The following SPMIP2 variants were observed in gnomAD, a reference collection of about 807,000 sequenced individuals.
The protein encoded by SPMIP2 is protein SPMIP2.
chr4:159,017,350 A>AACACAC, the SPMIP2 span, among the ~76,000 whole-genome samples: 1 of 51,376 alleles, frequency 1.9e-5, no homozygotes, highest in Admixed American at 2.5e-4. Context: ...CACAAACACA[A>AACACAC]ACACATACAC....
chr4:159,060,523 C>T, the SPMIP2 span, among the ~76,000 whole-genome samples: 6 of 152,094 alleles, frequency 3.9e-5, no homozygotes, highest in South Asian at 2.1e-4. Flanking sequence ...GTGTTAGTAA[C>T]GATGGTGGCC....
At chr4:158,913,659 A>G in the SPMIP2 span, among the ~76,000 whole-genome samples, 5 of 152,184 alleles carry the variant, frequency 3.3e-5, no homozygotes, top group African/African-American at 9.6e-5. Context: ...TGAAATATTT[A>G]GGAGTAAAGG....
the SPMIP2 span, among the ~76,000 whole-genome samples, chr4:158,984,326 T>C: frequency 1.4e-5 from 2 of 143,264 alleles, no homozygotes; most frequent in African/African-American, 2.6e-5. Context: ...CCACAGAATA[T>C]ACATTTTTTT....
At chr4:159,021,779 A>ATTGTT in the SPMIP2 span, among the ~76,000 whole-genome samples, 14 of 152,162 alleles carry the variant, frequency 9.2e-5, no homozygotes, top group Non-Finnish European at 2.1e-4. Flanking sequence ...TCTGGAATGG[A>ATTGTT]TTGTTTTGTA....
At chr4:158,917,472 C>T in the SPMIP2 span, among the ~76,000 whole-genome samples, 57 of 152,028 alleles carry the variant, frequency 3.7e-4, no homozygotes, top group African/African-American at 1.3e-3. Flanking sequence ...CTCCTCAGCC[C>T]GTCTCTACTT....
chr4:159,008,026 T>C, the SPMIP2 span, among the ~76,000 whole-genome samples: 1 of 152,148 alleles, frequency 6.6e-6, no homozygotes, highest in African/African-American at 2.4e-5. Flanking sequence ...TTCTTGAGCC[T>C]AGGAGCTCAA....
At chr4:159,034,763 T>C in the SPMIP2 span, among the ~76,000 whole-genome samples, 263 of 152,202 alleles carry the variant, frequency 1.7e-3, 2 homozygotes, top group African/African-American at 6.1e-3. Flanking sequence ...TGATGGCAGA[T>C]GCCTGTAATC....
chr4:159,020,739 T>C, the SPMIP2 span, among the ~76,000 whole-genome samples: 2 of 152,226 alleles, frequency 1.3e-5, no homozygotes, highest in Admixed American at 1.3e-4. Flanking sequence ...TAAGGCACTC[T>C]GACGTTCTTT....
At chr4:159,000,645 C>T in the SPMIP2 span, among the ~76,000 whole-genome samples, 19 of 152,106 alleles carry the variant, frequency 1.2e-4, no homozygotes, top group African/African-American at 4.6e-4. Context: ...AGGCACACGC[C>T]ACCACGCCCG....
the SPMIP2 span, among the ~76,000 whole-genome samples, chr4:158,981,307 C>T: frequency 4.2e-3 from 636 of 152,240 alleles, 6 homozygotes; most frequent in African/African-American, 0.014. Flanking sequence ...AACGAACTTC[C>T]CCAAACTAGC....
chr4:159,039,533 A>G, the SPMIP2 span, among the ~76,000 whole-genome samples: 5 of 152,256 alleles, frequency 3.3e-5, no homozygotes, highest in East Asian at 9.6e-4. Context: ...ACGGGGGCCA[A>G]TGAATAAATT....
the SPMIP2 span, among the ~76,000 whole-genome samples, chr4:158,961,164 G>A: frequency 3.3e-5 from 5 of 152,006 alleles, no homozygotes; most frequent in Admixed American, 2.0e-4. Flanking sequence ...TATGGGATGC[G>A]CTATTCATAA....
At chr4:159,067,326 T>C in the SPMIP2 span, among the ~76,000 whole-genome samples, 1 of 152,126 alleles carries the variant, frequency 6.6e-6, no homozygotes. Flanking sequence ...TGGAGTGCAA[T>C]GTCCGCCTCC....
At chr4:158,970,337 T>G in the SPMIP2 span, among the ~76,000 whole-genome samples, 4 of 152,096 alleles carry the variant, frequency 2.6e-5, no homozygotes, top group African/African-American at 9.7e-5. Context: ...GCTCAGGAGT[T>G]TGAGACCAGC....
the SPMIP2 span, among the ~76,000 whole-genome samples, chr4:158,956,941 T>C: frequency 6.6e-6 from 1 of 152,168 alleles, no homozygotes; most frequent in African/African-American, 2.4e-5. Context: ...ATTTATTTAT[T>C]TTTTTCTTGA....
the SPMIP2 span, among the ~76,000 whole-genome samples, chr4:158,962,125 A>C: frequency 6.6e-6 from 1 of 152,202 alleles, no homozygotes; most frequent in Non-Finnish European, 1.5e-5. Flanking sequence ...CTACATTCAC[A>C]TATCGTGAGT....
At chr4:159,076,813 A>G in the SPMIP2 span, among the ~76,000 whole-genome samples, 1 of 150,336 alleles carries the variant, frequency 6.7e-6, no homozygotes, top group Non-Finnish European at 1.5e-5. Flanking sequence ...GATTACAGAC[A>G]TGCATCACCA....
chr4:159,076,553 T>A, the SPMIP2 span, among the ~76,000 whole-genome samples: 5 of 152,120 alleles, frequency 3.3e-5, no homozygotes, highest in South Asian at 8.3e-4. Flanking sequence ...TTTGAATACA[T>A]GTTCACAATT....
the SPMIP2 span, among the ~76,000 whole-genome samples, chr4:159,056,874 A>G: frequency 1.3e-5 from 2 of 152,384 alleles, no homozygotes; most frequent in African/African-American, 2.4e-5. Flanking sequence ...CGTTCATTCT[A>G]TGCTGAGCTT....
Sources: gnomAD v4.1 joint callset for allele counts (sites outside exome capture counted in the v4.1 genomes callset) on GRCh38, gnomAD v4.1.1 for gene constraint, MANE v1.5 for transcripts, NCBI Gene and HGNC (gene_info 2026-07-23, HGNC 2026-07-21) for gene names.